The following CDH20 variants were observed in gnomAD, a reference collection of about 807,000 sequenced individuals.
The protein encoded by CDH20 is cadherin 20.
Under a neutral mutation model 74.2 loss-of-function variants are expected in CDH20, and 29 were observed. That is an observed-to-expected ratio of 0.39 (90% confidence interval 0.29 to 0.53). The LOEUF is 0.53. CDH20 is among the 20% of genes least tolerant of loss of function. The probability of loss-of-function intolerance (pLI) is 0.69; values close to 1 mark genes in which losing one functional copy is unlikely to be tolerated. For synonymous variants in CDH20, 469 were observed against 405.4 expected (o/e 1.16, Z -1.88); for missense variants, 988 against 1,048.3 (o/e 0.94, Z 0.79).
At chr18:61,431,847 C>G (rs961830156) in intron 1 of CDH20, among the ~76,000 whole-genome samples, 1 of 152,066 alleles carries the variant, frequency 6.6e-6, no homozygotes, top group Non-Finnish European at 1.5e-5. Flanking sequence ...TATCTGGCCA[C>G]GTGGGTAATC....
intron 1 of CDH20, among the ~76,000 whole-genome samples, chr18:61,470,275 G>A (rs1234560504): frequency 2.6e-5 from 4 of 152,174 alleles, no homozygotes; most frequent in Non-Finnish European, 1.5e-5. Context: ...GTGACTGTTT[G>A]CAACAAGACT....
intron 1 of CDH20, chr18:61,391,636 T>C (rs1204225802): frequency 1.3e-5 from 2 of 152,292 alleles, no homozygotes; most frequent in Non-Finnish European, 2.9e-5. Context: ...ATTGGAATGA[T>C]ACAGAGAAGA....
intron 10 of CDH20, among the ~76,000 whole-genome samples, chr18:61,545,478 T>C: frequency 6.6e-6 from 1 of 152,058 alleles, no homozygotes; most frequent in East Asian, 1.9e-4. Flanking sequence ...CTAAAACTCA[T>C]TCAGTCAGTA....
At chr18:61,541,636 T>C (rs185160824) in intron 9 of CDH20, among the ~76,000 whole-genome samples, 1 of 152,288 alleles carries the variant, frequency 6.6e-6, no homozygotes, top group Admixed American at 6.6e-5. Context: ...TATTAACCTT[T>C]GATTTGGGCT....
At chr18:61,472,538 G>A (rs769979613) in intron 1 of CDH20, among the ~76,000 whole-genome samples, 16 of 152,114 alleles carry the variant, frequency 1.1e-4, no homozygotes, top group African/African-American at 3.4e-4. Context: ...CAAAAATAGC[G>A]CACTCCGTGA....
intron 1 of CDH20, among the ~76,000 whole-genome samples, chr18:61,478,459 A>G (rs1439248087): frequency 1.3e-5 from 2 of 152,088 alleles, no homozygotes; most frequent in African/African-American, 4.8e-5. Context: ...TACCTTTGAT[A>G]AAGGTAGGGA....
At chr18:61,418,601 A>T (rs1237896133) in intron 1 of CDH20, among the ~76,000 whole-genome samples, 1 of 150,990 alleles carries the variant, frequency 6.6e-6, no homozygotes, top group East Asian at 1.9e-4. Context: ...ATGTAAATAA[A>T]TTTTTTCTAA....
intron 1 of CDH20, among the ~76,000 whole-genome samples, chr18:61,476,967 G>A (rs1438434452): frequency 6.6e-6 from 1 of 152,094 alleles, no homozygotes; most frequent in Non-Finnish European, 1.5e-5. Context: ...ACAAGCACTC[G>A]GAATGTACTG....
intron 9 of CDH20, among the ~76,000 whole-genome samples, chr18:61,543,802 T>C (rs937550340): frequency 1.3e-4 from 20 of 152,184 alleles, no homozygotes; most frequent in African/African-American, 4.6e-4. Flanking sequence ...CTCACTTCTC[T>C]TCAGGTCATG....
chr18:61,542,848 G>C (rs990109856), intron 9 of CDH20, among the ~76,000 whole-genome samples: 1 of 152,130 alleles, frequency 6.6e-6, no homozygotes, highest in Non-Finnish European at 1.5e-5. Flanking sequence ...GAAGGTGCCA[G>C]GCTCTTTTTA....
At chr18:61,339,360 TACACACACAC>T (rs35630137) in intron 1 of CDH20, among the ~76,000 whole-genome samples, 3 of 145,938 alleles carry the variant, frequency 2.1e-5, no homozygotes, top group Non-Finnish European at 3.0e-5. Flanking sequence ...GCAAGTTTAT[TACACACACAC>T]ACACACACAC....
chr18:61,397,684 A>C (rs1000119286), intron 1 of CDH20, among the ~76,000 whole-genome samples: 6 of 152,188 alleles, frequency 3.9e-5, no homozygotes, highest in Non-Finnish European at 2.9e-5. Context: ...TAAGAACACT[A>C]ACTTTGAAGC....
chr18:61,363,038 C>A (rs952938418), intron 1 of CDH20, among the ~76,000 whole-genome samples: 1 of 152,000 alleles, frequency 6.6e-6, no homozygotes, highest in Non-Finnish European at 1.5e-5. Context: ...ACTTAAGGGG[C>A]AGAAATTAAG....
chr18:61,383,407 C>A (rs1911498241), intron 1 of CDH20, among the ~76,000 whole-genome samples: 1 of 151,952 alleles, frequency 6.6e-6, no homozygotes, highest in African/African-American at 2.4e-5. Flanking sequence ...ATGGTAAAAA[C>A]CCGTCTTTAC....
chr18:61,536,394 G>A (rs1912817666), intron 7 of CDH20, 99 bp from the exon 8 acceptor site: 2 of 930,740 alleles, frequency 2.1e-6, no homozygotes. Context: ...AGAAGTGGTG[G>A]AACCATGTTT....
At chr18:61,462,941 T>C (rs1909836108) in intron 1 of CDH20, among the ~76,000 whole-genome samples, 1 of 152,242 alleles carries the variant, frequency 6.6e-6, no homozygotes, top group South Asian at 2.1e-4. Flanking sequence ...GCAATTATTC[T>C]TTGATAGCAG....
At chr18:61,351,337 A>T (rs1328442819) in intron 1 of CDH20, among the ~76,000 whole-genome samples, 1 of 152,180 alleles carries the variant, frequency 6.6e-6, no homozygotes, top group Non-Finnish European at 1.5e-5. Context: ...GTGGGGGTTC[A>T]GCCATGGATG....
At chr18:61,508,738 G>T (rs1911672886) in intron 6 of CDH20, among the ~76,000 whole-genome samples, 1 of 152,148 alleles carries the variant, frequency 6.6e-6, no homozygotes. Flanking sequence ...CCAGGTTCAA[G>T]CAATTCTCCT....
intron 9 of CDH20, among the ~76,000 whole-genome samples, chr18:61,542,856 T>C (rs1367239696): frequency 6.6e-6 from 1 of 152,180 alleles, no homozygotes; most frequent in East Asian, 1.9e-4. Context: ...CAGGCTCTTT[T>C]TAACAATCAG....
Sources: gnomAD v4.1 joint callset for allele counts (sites outside exome capture counted in the v4.1 genomes callset) on GRCh38, gnomAD v4.1.1 for gene constraint, MANE v1.5 for transcripts, NCBI Gene and HGNC (gene_info 2026-07-23, HGNC 2026-07-21) for gene names.